The following TAFAZZIN variants were observed in gnomAD, a reference collection of about 807,000 sequenced individuals.
The protein encoded by TAFAZZIN is tafazzin, phospholipid-lysophospholipid transacylase.
In TAFAZZIN, 6 loss-of-function variants were observed where a neutral mutation model predicts 27.3. The ratio of observed to expected loss-of-function variants is 0.22; its 90% CI spans 0.12 to 0.43. The LOEUF (loss-of-function observed/expected upper bound fraction) is 0.43. Among genes scored for constraint, TAFAZZIN ranks in the 20% least tolerant of loss-of-function variants. TAFAZZIN has a pLI of 1.00. For missense variants in TAFAZZIN, 127 were observed against 244.5 expected (o/e 0.52, Z 3.21); for synonymous variants, 79 against 96.2 (o/e 0.82, Z 1.04).
At position 154,419,550 on chromosome X, in the gene TAFAZZIN, C is replaced by T. The variant is rs990648341; in HGVS notation, c.468C>T (p.Gly156=). 28 of 1,208,539 alleles carry T rather than the reference C, an allele frequency of 2.3e-5. No homozygotes were observed. The highest frequency in any genetic ancestry group is 2.3e-4 in the Middle Eastern group (1 of 4,354). Residue 156 remains glycine, a synonymous_variant, in exon 6 of 11, where the codon GGC becomes GGT. Coordinates refer to ENST00000601016, the MANE Select transcript of TAFAZZIN (RefSeq NM_000116.5). The part of the protein sequence containing the change: ...GAGKRREKGD[G]VYQKGMDFIL... Reference sequence around the variant, plus strand: ...GAGGCCTTTTCCTTGCAGGAGATGGCGTCTACCAGAAGGGGATGGACTTCA... The same window carrying T: ...GAGGCCTTTTCCTTGCAGGAGATGGTGTCTACCAGAAGGGGATGGACTTCA...
Position 154,421,472 on chromosome X carries a change from C to G in TAFAZZIN, c.*468C>G, listed in dbSNP as rs1212823207. The G allele has an allele frequency of 6.0e-6, 2 of 331,197 alleles. No homozygotes were observed. The highest frequency in any genetic ancestry group is 1.2e-5 in the Non-Finnish European group (2 of 171,375). 27.3% of individuals were successfully genotyped at this position (331,197 alleles called of 1,213,427 possible). A position where few individuals can be genotyped will look rare whatever the true frequency, so the allele number is the denominator to read the frequency against. On this transcript the variant is annotated 3_prime_UTR_variant, in exon 11 of 11. Coordinates refer to ENST00000601016, the MANE Select transcript of TAFAZZIN (RefSeq NM_000116.5). ...GTCTTCCTTCTGCCTGAGCTTCCCC[C>G]CCACCACAGGCCCTTTCCTCAGGCA... is the stretch of plus-strand genomic sequence containing the variant.
chrX:154,419,653 C>T (rs369837538), intron 6 of TAFAZZIN, 30 bp downstream of exon 6: 3 of 1,210,634 alleles, frequency 2.5e-6, no homozygotes, highest in Non-Finnish European at 3.4e-6. Context: ...TCGAGCCCCC[C>T]CAGTATGAGC....
intron 5 of TAFAZZIN, among the ~76,000 whole-genome samples, chrX:154,416,850 A>AG (rs1557193114): frequency 1.8e-5 from 2 of 111,507 alleles, no homozygotes; most frequent in Admixed American, 1.9e-4. Flanking sequence ...AAGAATGATC[A>AG]GGGGGCTGGG....
chrX:154,411,884 C>G lies in TAFAZZIN; in HGVS notation c.41C>G (p.Pro14Arg). ...AAGTGGCCGTTCCCCGCGGTGCCGCCGCTCACCTGGACCCTGGCCAGCAGC... is the reference window on the plus strand; with the variant it reads ...AAGTGGCCGTTCCCCGCGGTGCCGCGGCTCACCTGGACCCTGGCCAGCAGC... ...HVKWPFPAVPPLTWTLASSVV... is the reference protein window; with the variant it reads ...HVKWPFPAVPRLTWTLASSVV... The change falls in exon 1 of 11, where the codon CCG (proline) becomes CGG (arginine). Residue 14 changes from proline (P) to arginine (R), a missense_variant. Transcript: ENST00000601016. 8.3e-7 allele frequency: 1 copy of G among 1,206,268 alleles called. No individual in the cohort carries two copies. Among genetic ancestry groups the G allele is most frequent in the East Asian group, 3.0e-5 (1 of 33,696 alleles).
intron 5 of TAFAZZIN, among the ~76,000 whole-genome samples, chrX:154,417,428 G>A (rs781924799): frequency 3.6e-5 from 4 of 112,609 alleles, no homozygotes; most frequent in African/African-American, 6.4e-5. Context: ...GCTGCAGTTG[G>A]GGGGGAATGG....
chrX:154,415,880 CAAAAAAAAAAAAA>C (rs140328432), intron 5 of TAFAZZIN, among the ~76,000 whole-genome samples: 5 of 28,103 alleles, frequency 1.8e-4, no homozygotes, highest in Non-Finnish European at 2.6e-4. Context: ...GACCTGGTCT[CAAAAAAAAAAAAA>C]AAAAAAAAAA....
rs1184293482 is a variant in TAFAZZIN at position 154,411,813 on chromosome X, G to T, written c.-31G>T. The T allele has an allele frequency of 3.4e-5, 39 of 1,148,590 alleles. No homozygotes were observed. Among genetic ancestry groups the T allele is most frequent in the Non-Finnish European group, 4.0e-5 (35 of 864,958 alleles). 94.7% of individuals were successfully genotyped at this position (1,148,590 alleles called of 1,213,427 possible). ...GGCGCCCCACAGGCCGGCCCGGGGC[G>T]CTGGGAGCGCCGGCCGCGGGCCGGG... On this transcript the variant is annotated 5_prime_UTR_variant, in exon 1 of 11. Transcript: ENST00000601016.
rs369324030 is a variant in TAFAZZIN, at chrX:154,413,288, C to T, written c.284+36C>T. 8.4e-4 allele frequency: 1,017 copies of T among 1,207,374 alleles called. No individual in the cohort carries two copies. Among genetic ancestry groups the T allele is most frequent in the Non-Finnish European group, 1.1e-3 (963 of 893,918 alleles). On this transcript the variant is annotated intron_variant, in intron 3 of 10. Coordinates refer to ENST00000601016, the MANE Select transcript of TAFAZZIN (RefSeq NM_000116.5). Reference sequence around the variant, plus strand: ...ATGGGCCCCTCGAAGTGGGCCGGGCCGGCCCCACCTGCCTCTGCCCAGATT... The same window carrying T: ...ATGGGCCCCTCGAAGTGGGCCGGGCTGGCCCCACCTGCCTCTGCCCAGATT...
chrX:154,411,768 G>A lies in TAFAZZIN; in HGVS notation c.-76G>A, dbSNP rs1393727208. 10 of 977,949 alleles carry A rather than the reference G, an allele frequency of 1.0e-5. No individual in the cohort carries two copies. The highest frequency in any genetic ancestry group is 2.6e-5 in the Admixed American group (1 of 38,282). The allele number at this position is 977,949 out of a possible 1,213,427, so 80.6% of individuals were successfully genotyped here. The stretch of plus-strand genomic sequence containing the variant: ...CAGTCAGGGGCCAGTGTCTCGAGCG[G>A]TCGAGGTCGCAGACCTAGAGGCGCC... On this transcript the variant is annotated 5_prime_UTR_variant, in exon 1 of 11. Transcript: ENST00000601016.
intron 5 of TAFAZZIN, among the ~76,000 whole-genome samples, chrX:154,416,901 C>T (rs1279302459): frequency 3.6e-5 from 4 of 111,087 alleles, no homozygotes; most frequent in South Asian, 3.7e-4. Flanking sequence ...TTTGGGAGGC[C>T]GAGGCGGGCG....
At chrX:154,416,374 G>T (rs2068490994) in intron 5 of TAFAZZIN, among the ~76,000 whole-genome samples, 2 of 110,459 alleles carry the variant, frequency 1.8e-5, no homozygotes, top group African/African-American at 6.6e-5. Context: ...GGCAGAGCTT[G>T]CTATGAGCAG....
At chrX:154,413,388 C>T (rs1404828131) in intron 3 of TAFAZZIN, 94 bp from the exon 4 acceptor site, 8 of 1,207,496 alleles carry the variant, frequency 6.6e-6, no homozygotes, top group Non-Finnish European at 7.8e-6. Flanking sequence ...CCCGCAGGCC[C>T]TCCCCTGTGC....
intron 5 of TAFAZZIN, among the ~76,000 whole-genome samples, chrX:154,416,575 T>C (rs1056785752): frequency 1.8e-5 from 2 of 112,133 alleles, no homozygotes; most frequent in African/African-American, 6.5e-5. Context: ...AAGTGTCACG[T>C]TGGAGAACCG....
At chrX:154,413,323 C>T (rs1275389248) in intron 3 of TAFAZZIN, 71 bp downstream of exon 3, 1 of 1,206,803 alleles carries the variant, frequency 8.3e-7, no homozygotes, top group Non-Finnish European at 1.1e-6. Context: ...TTGCCCTCCT[C>T]CTGCTCTGCC....
At position 154,411,807 on chromosome X, in the gene TAFAZZIN, C is replaced by T. The variant is rs1057523394; in HGVS notation, c.-37C>T. The T allele has an allele frequency of 2.6e-6, 3 of 1,140,374 alleles. No individual in the cohort carries two copies. Among genetic ancestry groups the T allele is most frequent in the Non-Finnish European group, 3.5e-6 (3 of 857,679 alleles). The allele number at this position is 1,140,374 out of a possible 1,213,427, so 94.0% of individuals were successfully genotyped here. A position where few individuals can be genotyped will look rare whatever the true frequency, so the allele number is the denominator to read the frequency against. ...CCTAGAGGCGCCCCACAGGCCGGCC[C>T]GGGGCGCTGGGAGCGCCGGCCGCGG... On this transcript the variant is annotated 5_prime_UTR_variant, in exon 1 of 11. Coordinates refer to ENST00000601016, the MANE Select transcript of TAFAZZIN (RefSeq NM_000116.5).
At chrX:154,420,165 C>G in intron 8 of TAFAZZIN, 47 bp from the exon 9 acceptor site, 1 of 1,210,393 alleles carries the variant, frequency 8.3e-7, no homozygotes, top group Non-Finnish European at 1.1e-6. Context: ...TGGTCCCAGG[C>G]TGCCCTGCTC....
Position 154,421,711 on chromosome X carries a change from T to C in TAFAZZIN, c.*707T>C, listed in dbSNP as rs991653032. On this transcript the variant is annotated 3_prime_UTR_variant, in exon 11 of 11. Transcript: ENST00000601016. ...GAAACAGAACCATAAAGCATATGTG[T>C]TGGCTTGTTGTAAAATGTCTCTGGC... 2 of 328,268 alleles carry C rather than the reference T, an allele frequency of 6.1e-6. No individual in the cohort carries two copies. The highest frequency in any genetic ancestry group is 2.6e-5 in the African/African-American group (1 of 37,763). 27.1% of individuals were successfully genotyped at this position (328,268 alleles called of 1,213,427 possible).
At position 154,411,909 on chromosome X, in the gene TAFAZZIN, C is replaced by T; in HGVS notation, c.66C>T (p.Ser22=). The T allele has an allele frequency of 8.3e-7, 1 of 1,208,037 alleles. No homozygotes were observed. The highest frequency in any genetic ancestry group is 2.3e-4 in the Middle Eastern group (1 of 4,328). Residue 22 remains serine, a synonymous_variant, in exon 1 of 11, where the codon AGC becomes AGT. Transcript: ENST00000601016. ...VPPLTWTLAS[S]VVMGLVGTYS... The stretch of plus-strand genomic sequence containing the variant: ...CGCTCACCTGGACCCTGGCCAGCAG[C>T]GTCGTCATGGGCTTGGTGGGCACCT...
In TAFAZZIN at chrX:154,420,252, C is replaced by T; in HGVS notation, c.687C>T (p.Pro229=). The change falls in exon 9 of 11, where the codon CCC becomes CCT. Residue 229 remains proline (P), a synonymous_variant. Transcript: ENST00000601016. ...TTCCTAACAGTCCGCCCTACTTCCC[C>T]CGCTTTGGACAGGTGGGTGGGGACT... The part of the protein sequence containing the change: ...DVLPNSPPYF[P]RFGQKITVLI... The T allele has an allele frequency of 4.1e-6, 5 of 1,211,716 alleles. No homozygotes were observed. The Admixed American group carries it at 6.5e-5, about 16-fold the overall frequency.
Sources: allele counts gnomAD v4.1 joint callset (sites outside exome capture counted in the v4.1 genomes callset), GRCh38; gene constraint gnomAD v4.1.1; transcripts MANE v1.5; gene names NCBI Gene and HGNC (gene_info 2026-07-23, HGNC 2026-07-21).